PPP1R21: variants seen among roughly 807,000 people sequenced by gnomAD.
PPP1R21 encodes the protein KLRAQ motif containing 1.
In PPP1R21, 85 loss-of-function variants were observed where a neutral mutation model predicts 112.8. The observed-to-expected ratio is 0.75, with a 90% CI of 0.63 to 0.90. The LOEUF (loss-of-function observed/expected upper bound fraction) is 0.90, where lower values mean the gene tolerates loss of function less well. Ranked by LOEUF, PPP1R21 falls within the 40% of genes least tolerant of loss-of-function variation. The probability of loss-of-function intolerance (pLI) is 0.00; values close to 1 mark genes in which losing one functional copy is unlikely to be tolerated. For synonymous variants in PPP1R21, 381 were observed against 322.3 expected, an observed-to-expected ratio of 1.18 and a Z score of -1.95; for missense variants, 1,199 against 901.5, an observed-to-expected ratio of 1.33 and a Z score of -4.23.
At chr2:48,468,406 A>G (rs1377774740) in intron 9 of PPP1R21, among the ~76,000 whole-genome samples, 1 of 152,180 alleles carries the variant, frequency 6.6e-6, no homozygotes, top group Non-Finnish European at 1.5e-5. Context: ...GGGCCTTTGA[A>G]ATGTTCTTTA....
At chr2:48,452,016 C>T (rs1290607844) in intron 2 of PPP1R21, among the ~76,000 whole-genome samples, 1 of 152,166 alleles carries the variant, frequency 6.6e-6, no homozygotes, top group Non-Finnish European at 1.5e-5. Context: ...GAACACCCCA[C>T]CCATACTTCC....
rs531083198 is a variant in PPP1R21 at position 48,502,913 on chromosome 2, C to A, written c.1936-2651C>A. 3.3e-5 allele frequency among the ~76,000 whole-genome samples: 5 copies of A among 152,132 alleles called. No homozygotes were observed. In the East Asian group the frequency reaches 7.7e-4, roughly 24 times the overall value. Reference sequence around the variant, plus strand: ...GCCAGGATGGCCTCAATCTCCTGACCTTGTGATCCGCCCACCTCGGCCTCC... The same window carrying A: ...GCCAGGATGGCCTCAATCTCCTGACATTGTGATCCGCCCACCTCGGCCTCC... On this transcript the variant is annotated intron_variant, in intron 17 of 21. Coordinates refer to ENST00000294952, the MANE Select transcript of PPP1R21 (RefSeq NM_001135629.3).
intron 8 of PPP1R21, 131 bp from the exon 9 acceptor site, chr2:48,465,362 G>A (rs1465109715): frequency 2.2e-6 from 2 of 895,232 alleles, no homozygotes; most frequent in African/African-American, 1.7e-5. Context: ...AATTCAAGTG[G>A]GAGCAGATGA....
chr2:48,462,248 G>T (rs1036558468), intron 7 of PPP1R21, among the ~76,000 whole-genome samples: 1 of 152,162 alleles, frequency 6.6e-6, no homozygotes, highest in Non-Finnish European at 1.5e-5. Flanking sequence ...AATATTTAAA[G>T]ATCATTTGCT....
intron 5 of PPP1R21, 67 bp from the exon 6 acceptor site, chr2:48,460,028 C>G (rs925902549): frequency 1.9e-6 from 3 of 1,600,554 alleles, no homozygotes; most frequent in East Asian, 2.2e-5. Context: ...CCTGCAGGGT[C>G]TTACTAAGTG....
intron 18 of PPP1R21, 95 bp downstream of exon 18, chr2:48,505,691 G>C: frequency 9.0e-7 from 1 of 1,105,158 alleles, no homozygotes; most frequent in Non-Finnish European, 1.4e-6. Flanking sequence ...TCTAATTGTT[G>C]TTGTTGTTTT....
At chr2:48,514,073 C>CTTT (rs1225415838) in intron 21 of PPP1R21, among the ~76,000 whole-genome samples, 81 of 89,870 alleles carry the variant, frequency 9.0e-4, no homozygotes, top group East Asian at 1.2e-3. Flanking sequence ...GAGACATGTT[C>CTTT]TTTTTTTTTT....
intron 21 of PPP1R21, among the ~76,000 whole-genome samples, chr2:48,511,907 C>G (rs2103680595): frequency 6.6e-6 from 1 of 151,920 alleles, no homozygotes. Context: ...AAATAATTTT[C>G]CTTAATATCA....
At chr2:48,473,723 C>T (rs1222528171) in intron 11 of PPP1R21, among the ~76,000 whole-genome samples, 3 of 152,076 alleles carry the variant, frequency 2.0e-5, no homozygotes, top group Non-Finnish European at 4.4e-5. Context: ...GATTCCTATG[C>T]TACCTTTTCT....
chr2:48,493,875 C>A (rs545749024), intron 15 of PPP1R21, among the ~76,000 whole-genome samples: 1 of 151,814 alleles, frequency 6.6e-6, no homozygotes, highest in African/African-American at 2.4e-5. Flanking sequence ...GTAGCTTATA[C>A]TGATGCTCCT....
intron 18 of PPP1R21, chr2:48,507,061 C>T (rs1356610827): frequency 5.1e-6 from 3 of 591,164 alleles, no homozygotes; most frequent in Non-Finnish European, 7.4e-6. Context: ...TAACTTCATT[C>T]TGAAATAGAA....
intron 13 of PPP1R21, among the ~76,000 whole-genome samples, chr2:48,486,390 A>T (rs1669297379): frequency 1.3e-5 from 2 of 152,212 alleles, no homozygotes; most frequent in African/African-American, 4.8e-5. Flanking sequence ...CCGACGAGGA[A>T]ATCTTGGTGG....
intron 9 of PPP1R21, among the ~76,000 whole-genome samples, chr2:48,470,344 C>T (rs1181511635): frequency 6.6e-6 from 1 of 151,894 alleles, no homozygotes; most frequent in Non-Finnish European, 1.5e-5. Context: ...ATGGTGAAAG[C>T]CCGTCTCTAC....
At chr2:48,450,564 TTTTTA>T (rs1371856803) in intron 1 of PPP1R21, among the ~76,000 whole-genome samples, 2 of 152,204 alleles carry the variant, frequency 1.3e-5, no homozygotes, top group African/African-American at 4.8e-5. Context: ...ATGCCCCACA[TTTTTA>T]TTTTCTGTGG....
intron 13 of PPP1R21, among the ~76,000 whole-genome samples, chr2:48,485,092 C>T (rs1237615012): frequency 6.6e-6 from 1 of 152,036 alleles, no homozygotes; most frequent in East Asian, 1.9e-4. Flanking sequence ...TTAGTTCAAC[C>T]CCTATGGAAA....
chr2:48,479,950 A>G lies in PPP1R21; in HGVS notation c.1252A>G (p.Thr418Ala), dbSNP rs759904687. The G allele has an allele frequency of 9.1e-5, 147 of 1,612,782 alleles. No individual in the cohort carries two copies. The highest frequency in any genetic ancestry group is 1.2e-4 in the Non-Finnish European group (144 of 1,178,860). Residue 418 changes from threonine to alanine, a missense_variant, in exon 13 of 22, where the codon ACA (threonine) becomes GCA (alanine). By Grantham distance (58) the Thr-to-Ala change is moderately conservative. Coordinates refer to ENST00000294952, the MANE Select transcript of PPP1R21 (RefSeq NM_001135629.3). Reference sequence around the variant, plus strand: ...TACAGAGCCAGATGGACTCCTTCGGACAAACTACAGTTCTGTGTTAACAAA... The same window carrying G: ...TACAGAGCCAGATGGACTCCTTCGGGCAAACTACAGTTCTGTGTTAACAAA... ...PSTEPDGLLR[T>A]NYSSVLTNVG...
intron 2 of PPP1R21, among the ~76,000 whole-genome samples, chr2:48,452,869 G>A (rs1409492754): frequency 6.6e-6 from 1 of 151,318 alleles, no homozygotes; most frequent in East Asian, 1.9e-4. Flanking sequence ...GGAGCATATT[G>A]TTCTATCCCT....
intron 3 of PPP1R21, among the ~76,000 whole-genome samples, chr2:48,455,351 C>T (rs990657214): frequency 1.3e-5 from 2 of 151,804 alleles, no homozygotes; most frequent in African/African-American, 4.8e-5. Context: ...CCATGTTGGT[C>T]AGGCTGGTCT....
intron 9 of PPP1R21, among the ~76,000 whole-genome samples, chr2:48,466,645 G>A (rs926221498): frequency 6.6e-6 from 1 of 152,144 alleles, no homozygotes; most frequent in Admixed American, 6.5e-5. Context: ...AAGATTCTTT[G>A]GGGATTTGAA....
Sources: allele counts gnomAD v4.1 joint callset (sites outside exome capture counted in the v4.1 genomes callset), GRCh38; gene constraint gnomAD v4.1.1; transcripts MANE v1.5; gene names NCBI Gene and HGNC (gene_info 2026-07-23, HGNC 2026-07-21).